The following PLCE1 variants were observed in gnomAD, a reference collection of about 807,000 sequenced individuals.
PLCE1 encodes 1-phosphatidylinositol 4,5-bisphosphate phosphodiesterase epsilon-1.
Under a neutral mutation model 242.8 loss-of-function variants are expected in PLCE1, and 119 were observed. The ratio of observed to expected loss-of-function variants is 0.49; its 90% CI spans 0.42 to 0.57. The LOEUF (loss-of-function observed/expected upper bound fraction) is 0.57. PLCE1 is among the 20% of genes least tolerant of loss of function. The probability of loss-of-function intolerance (pLI) is 0.00; values close to 1 mark genes in which losing one functional copy is unlikely to be tolerated. For missense variants in PLCE1, 2,441 were observed against 2,788.8 expected (o/e 0.88, Z 2.81); for synonymous variants, 945 against 1,017.4 (o/e 0.93, Z 1.35).
intron 22 of PLCE1, among the ~76,000 whole-genome samples, chr10:94,292,484 C>T (rs900560106): frequency 6.6e-6 from 1 of 152,202 alleles, no homozygotes; most frequent in African/African-American, 2.4e-5. Context: ...CCAAGCATTT[C>T]AGATAAGGGA....
chr10:93,995,510 T>C (rs1013126876), intron 1 of PLCE1, among the ~76,000 whole-genome samples: 4 of 152,248 alleles, frequency 2.6e-5, no homozygotes, highest in Admixed American at 2.6e-4. Flanking sequence ...TGAAGGCATT[T>C]GCTGTGGCTT....
At chr10:94,289,256 G>A (rs2052567499) in intron 22 of PLCE1, among the ~76,000 whole-genome samples, 2 of 152,104 alleles carry the variant, frequency 1.3e-5, no homozygotes, top group African/African-American at 4.8e-5. Flanking sequence ...GAGCATGGCA[G>A]GCAAGGCACT....
At chr10:94,217,812 C>T (rs1053451787) in intron 4 of PLCE1, among the ~76,000 whole-genome samples, 4 of 152,146 alleles carry the variant, frequency 2.6e-5, no homozygotes, top group Admixed American at 6.5e-5. Flanking sequence ...AAACTGTGGG[C>T]AAGCCATTCT....
At chr10:94,308,049 T>C (rs2053264703) in intron 26 of PLCE1, among the ~76,000 whole-genome samples, 1 of 152,232 alleles carries the variant, frequency 6.6e-6, no homozygotes, top group Non-Finnish European at 1.5e-5. Flanking sequence ...TTTCTACTAA[T>C]CTTTGTGTTT....
chr10:94,325,844 C>CTAA (rs1554919746), intron 32 of PLCE1, among the ~76,000 whole-genome samples: 1 of 151,984 alleles, frequency 6.6e-6, no homozygotes, highest in African/African-American at 2.4e-5. Context: ...TATTACTGTT[C>CTAA]TAATTTAGGT....
intron 1 of PLCE1, among the ~76,000 whole-genome samples, chr10:94,023,259 A>G (rs2061404696): frequency 1.3e-5 from 2 of 152,188 alleles, no homozygotes; most frequent in South Asian, 2.1e-4. Flanking sequence ...ACAAAATCCA[A>G]TGTGACTGCA....
At chr10:94,115,516 A>G (rs2046095783) in intron 2 of PLCE1, among the ~76,000 whole-genome samples, 1 of 152,234 alleles carries the variant, frequency 6.6e-6, no homozygotes, top group Non-Finnish European at 1.5e-5. Context: ...TCTGATGGCC[A>G]GTGATGATCA....
chr10:94,219,612 A>G (rs2049652998), intron 4 of PLCE1, among the ~76,000 whole-genome samples: 1 of 152,202 alleles, frequency 6.6e-6, no homozygotes, highest in Non-Finnish European at 1.5e-5. Flanking sequence ...TGCAGGAAGG[A>G]GTATGGTCAG....
chr10:94,047,162 T>A (rs924454215), intron 2 of PLCE1, among the ~76,000 whole-genome samples: 2 of 152,234 alleles, frequency 1.3e-5, no homozygotes, highest in Non-Finnish European at 2.9e-5. Context: ...ACCACAATGC[T>A]ATATTACCTC....
intron 3 of PLCE1, among the ~76,000 whole-genome samples, 178 bp downstream of exon 3, chr10:94,132,637 A>G (rs2046636089): frequency 6.6e-6 from 1 of 152,190 alleles, no homozygotes; most frequent in Non-Finnish European, 1.5e-5. Flanking sequence ...CTAAGGTGTC[A>G]ACATTCCAAA....
chr10:94,189,300 A>G (rs1179313798), intron 4 of PLCE1, among the ~76,000 whole-genome samples: 2 of 148,384 alleles, frequency 1.3e-5, no homozygotes, highest in Non-Finnish European at 3.0e-5. Context: ...ATTATATAAT[A>G]TATAGTACAC....
chr10:94,011,040 C>G (rs2061157525), intron 1 of PLCE1, among the ~76,000 whole-genome samples: 1 of 152,114 alleles, frequency 6.6e-6, no homozygotes, highest in African/African-American at 2.4e-5. Flanking sequence ...TACTGATTTT[C>G]TGTGTTAGTC....
chr10:94,257,343 C>A (rs1589430533), intron 11 of PLCE1, among the ~76,000 whole-genome samples: 1 of 151,568 alleles, frequency 6.6e-6, no homozygotes, highest in East Asian at 1.9e-4. Context: ...TCAAAAAAAA[C>A]TTTTAAAATC....
chr10:94,071,495 G>GTTTTTTTTTTTTGTTT (rs2044353147), intron 2 of PLCE1, among the ~76,000 whole-genome samples: 1 of 83,316 alleles, frequency 1.2e-5, no homozygotes, highest in African/African-American at 5.4e-5. Flanking sequence ...TTTGGTTTTC[G>GTTTTTTTTTTTTGTTT]TTTTTTTTTT....
At chr10:94,270,213 A>G (rs981425629) in intron 17 of PLCE1, among the ~76,000 whole-genome samples, 3 of 152,244 alleles carry the variant, frequency 2.0e-5, no homozygotes, top group African/African-American at 7.2e-5. Flanking sequence ...TACTCTATAT[A>G]TGTATACAGA....
At chr10:94,290,714 C>T (rs780657379) in intron 22 of PLCE1, among the ~76,000 whole-genome samples, 56 of 151,348 alleles carry the variant, frequency 3.7e-4, no homozygotes, top group Non-Finnish European at 7.1e-4. Context: ...TATATATATA[C>T]ACACACACAT....
At chr10:94,058,494 A>T (rs1395965040) in intron 2 of PLCE1, among the ~76,000 whole-genome samples, 1 of 152,200 alleles carries the variant, frequency 6.6e-6, no homozygotes, top group Non-Finnish European at 1.5e-5. Context: ...GCATATGAAA[A>T]GTTCTTCAGT....
At chr10:94,072,651 A>G (rs1180951521) in intron 2 of PLCE1, among the ~76,000 whole-genome samples, 1 of 152,162 alleles carries the variant, frequency 6.6e-6, no homozygotes, top group Non-Finnish European at 1.5e-5. Context: ...GTCTCTTTCA[A>G]ATTGTCATTT....
intron 4 of PLCE1, among the ~76,000 whole-genome samples, chr10:94,223,468 G>C (rs2049832630): frequency 6.6e-6 from 1 of 152,150 alleles, no homozygotes; most frequent in Non-Finnish European, 1.5e-5. Context: ...AGGTCATTTT[G>C]AATGATGCAA....
Sources: gnomAD v4.1 joint callset for allele counts (sites outside exome capture counted in the v4.1 genomes callset) on GRCh38, gnomAD v4.1.1 for gene constraint, MANE v1.5 for transcripts, NCBI Gene and HGNC (gene_info 2026-07-23, HGNC 2026-07-21) for gene names.